The following SERINC1 variants were observed in gnomAD, a reference collection of about 807,000 sequenced individuals.
SERINC1 encodes tumor differentially expressed protein 2.
In SERINC1, 38 loss-of-function variants were observed where a neutral mutation model predicts 52.9. The ratio of observed to expected loss-of-function variants is 0.72; its 90% CI spans 0.55 to 0.94. The LOEUF (loss-of-function observed/expected upper bound fraction) is 0.94. Among genes scored for constraint, SERINC1 ranks in the 40% least tolerant of loss-of-function variants. The pLI is 0.00. For synonymous variants in SERINC1, 198 were observed against 183.1 expected (o/e 1.08, Z -0.66); for missense variants, 471 against 533.9 (o/e 0.88, Z 1.16).
At chr6:122,450,814 G>A (rs1463996668) in intron 7 of SERINC1, among the ~76,000 whole-genome samples, 1 of 152,170 alleles carries the variant, frequency 6.6e-6, no homozygotes, top group Non-Finnish European at 1.5e-5. Context: ...ACTAAAAAGT[G>A]GAACCTGAAG....
At chr6:122,467,124 G>T (rs935095632) in intron 1 of SERINC1, among the ~76,000 whole-genome samples, 2 of 152,198 alleles carry the variant, frequency 1.3e-5, no homozygotes, top group Admixed American at 6.5e-5. Flanking sequence ...TTCAACCTAA[G>T]AGAGAGGAAA....
At chr6:122,459,149 C>T (rs950399046) in intron 1 of SERINC1, among the ~76,000 whole-genome samples, 2 of 151,896 alleles carry the variant, frequency 1.3e-5, no homozygotes, top group Admixed American at 1.3e-4. Flanking sequence ...TTTGACCTGG[C>T]GATAGTGATA....
At chr6:122,451,776 A>AAATATATATAT in intron 6 of SERINC1, 22 bp from the exon 7 acceptor site, 3 of 113,066 alleles carry the variant, frequency 2.7e-5, no homozygotes, top group Admixed American at 3.2e-4. Context: ...AAAAAAAAAA[A>AAATATATATAT]ATATATATAT....
Position 122,446,962 on chromosome 6 carries a change from TAG to T in SERINC1, c.1036_1037del (p.Leu346AsnfsTer3). ...SNNSQVNKLT[L>X]TSDESTLIED... is the part of the protein sequence containing the mutation. ...CTATTAATGTAGATTCATCACTTGT[TAG>T]AGTCAGTTTATTAACCTGACTATTG... On this transcript the variant is annotated frameshift_variant, in exon 9 of 10. Transcript: ENST00000339697. LOFTEE classifies it high-confidence loss of function. The T allele has an allele frequency of 6.2e-7, 1 of 1,613,466 alleles. No individual in the cohort carries two copies. The highest frequency in any genetic ancestry group is 8.5e-7 in the Non-Finnish European group (1 of 1,179,364).
chr6:122,446,800 G>A lies in SERINC1; in HGVS notation c.1200C>T (p.Ile400=), dbSNP rs766919518. ...TGTACCAGTTGGTAAGGGTCATCAT[G>A]ATATAAAGTGAAGCCAGGAAAAGCA... ...HFMLFLASLY[I]MMTLTNWYRY... Residue 400 remains isoleucine (I), a synonymous_variant, in exon 9 of 10, where the codon ATC becomes ATT. Transcript: ENST00000339697. 3 of 1,612,698 alleles carry A rather than the reference G, an allele frequency of 1.9e-6. No homozygotes were observed. The highest frequency in any genetic ancestry group is 1.3e-5 in the African/African-American group (1 of 74,908).
At chr6:122,456,236 T>C (rs1055529396) in intron 3 of SERINC1, among the ~76,000 whole-genome samples, 5 of 152,162 alleles carry the variant, frequency 3.3e-5, no homozygotes, top group African/African-American at 1.2e-4. Flanking sequence ...ACAAATATAA[T>C]AGAGCCTCTT....
intron 9 of SERINC1, among the ~76,000 whole-genome samples, chr6:122,446,469 T>C (rs545031754): frequency 6.6e-6 from 1 of 152,230 alleles, no homozygotes; most frequent in East Asian, 1.9e-4. Context: ...CTTCACTATC[T>C]TTACAGAATT....
chr6:122,471,548 C>A, intron 1 of SERINC1, 151 bp downstream of exon 1: 1 of 891,088 alleles, frequency 1.1e-6, no homozygotes, highest in East Asian at 2.4e-5. Flanking sequence ...GTCTGAGTGA[C>A]GAGAGGAGAC....
In SERINC1 at chr6:122,444,590, C is replaced by G. The variant is rs569296162; in HGVS notation, c.*454G>C. 2.6e-4 allele frequency: 40 copies of G among 154,820 alleles called. No individual in the cohort carries two copies. Among genetic ancestry groups the G allele is most frequent in the Admixed American group, 2.1e-3 (32 of 15,538 alleles). 9.6% of individuals were successfully genotyped at this position (154,820 alleles called of 1,614,324 possible). Reference sequence around the variant, plus strand: ...AAACCTTATAAGATTTTTCAGACAACTGGCATTTAAGTGACTTGTTTATAA... The same window carrying G: ...AAACCTTATAAGATTTTTCAGACAAGTGGCATTTAAGTGACTTGTTTATAA... On this transcript the variant is annotated 3_prime_UTR_variant, in exon 10 of 10. Transcript: ENST00000339697.
At chr6:122,466,294 G>A (rs1377529229) in intron 1 of SERINC1, among the ~76,000 whole-genome samples, 1 of 152,110 alleles carries the variant, frequency 6.6e-6, no homozygotes, top group Non-Finnish European at 1.5e-5. Flanking sequence ...TTACAGCAGA[G>A]GTTTTTGTTG....
Position 122,444,906 on chromosome 6 carries a change from A to G in SERINC1, c.*138T>C. On this transcript the variant is annotated 3_prime_UTR_variant, in exon 10 of 10. Coordinates refer to ENST00000339697, the MANE Select transcript of SERINC1 (RefSeq NM_020755.4). Reference sequence around the variant, plus strand: ...TTGGTAAGAAAATAACAAAATGACAAGCAGTAAAATCTAATTCATGCCAGA... The same window carrying G: ...TTGGTAAGAAAATAACAAAATGACAGGCAGTAAAATCTAATTCATGCCAGA... 1.4e-6 allele frequency: 1 copy of G among 739,418 alleles called. No individual in the cohort carries two copies. 45.8% of individuals were successfully genotyped at this position (739,418 alleles called of 1,614,324 possible). A position where few individuals can be genotyped will look rare whatever the true frequency, so the allele number is the denominator to read the frequency against.
chr6:122,452,947 A>T (rs529242409), intron 5 of SERINC1, among the ~76,000 whole-genome samples: 7 of 152,282 alleles, frequency 4.6e-5, no homozygotes, highest in Non-Finnish European at 8.8e-5. Flanking sequence ...TCCAATTTAA[A>T]ATTTTTTTAG....
At chr6:122,468,632 A>G (rs976682597) in intron 1 of SERINC1, among the ~76,000 whole-genome samples, 30 of 152,176 alleles carry the variant, frequency 2.0e-4, no homozygotes, top group African/African-American at 7.2e-4. Context: ...ATTTTTGTCT[A>G]TTCATCCACC....
intron 2 of SERINC1, among the ~76,000 whole-genome samples, chr6:122,457,011 T>C (rs1178304712): frequency 1.3e-5 from 2 of 152,016 alleles, no homozygotes; most frequent in Non-Finnish European, 2.9e-5. Context: ...TATTAATACA[T>C]CTATTATTCA....
intron 6 of SERINC1, 22 bp from the exon 7 acceptor site, chr6:122,451,776 A>AAAAAAATATATAT: frequency 1.9e-4 from 22 of 113,014 alleles, no homozygotes; most frequent in East Asian, 1.7e-3. Context: ...AAAAAAAAAA[A>AAAAAAATATATAT]ATATATATAT....
At chr6:122,449,998 G>A (rs376972352) in intron 7 of SERINC1, among the ~76,000 whole-genome samples, 2 of 152,262 alleles carry the variant, frequency 1.3e-5, no homozygotes, top group African/African-American at 4.8e-5. Flanking sequence ...TGTGCAACAA[G>A]AGTGAAACTC....
intron 6 of SERINC1, 37 bp downstream of exon 6, chr6:122,451,851 A>C: frequency 7.1e-7 from 1 of 1,410,424 alleles, no homozygotes; most frequent in Non-Finnish European, 9.3e-7. Context: ...TTAAAAAGGT[A>C]TAAGCTTCAT....
In SERINC1 at chr6:122,444,898, A is replaced by G; in HGVS notation, c.*146T>C. The G allele has an allele frequency of 1.4e-6, 1 of 725,648 alleles. No homozygotes were observed. Among genetic ancestry groups the G allele is most frequent in the South Asian group, 2.0e-5 (1 of 49,422 alleles). 45.0% of individuals were successfully genotyped at this position (725,648 alleles called of 1,614,324 possible). A position where few individuals can be genotyped will look rare whatever the true frequency, so the allele number is the denominator to read the frequency against. On this transcript the variant is annotated 3_prime_UTR_variant, in exon 10 of 10. Coordinates refer to ENST00000339697, the MANE Select transcript of SERINC1 (RefSeq NM_020755.4). ...CAATGCACTTGGTAAGAAAATAACAAAATGACAAGCAGTAAAATCTAATTC... is the reference window on the plus strand; with the variant it reads ...CAATGCACTTGGTAAGAAAATAACAGAATGACAAGCAGTAAAATCTAATTC...
At chr6:122,447,891 G>A (rs1455259853) in intron 7 of SERINC1, among the ~76,000 whole-genome samples, 2 of 151,982 alleles carry the variant, frequency 1.3e-5, no homozygotes, top group African/African-American at 2.4e-5. Flanking sequence ...CGAGGCGGGC[G>A]GATCACAAGG....
Sources: gnomAD v4.1 joint callset for allele counts (sites outside exome capture counted in the v4.1 genomes callset) on GRCh38, gnomAD v4.1.1 for gene constraint, MANE v1.5 for transcripts, NCBI Gene and HGNC (gene_info 2026-07-23, HGNC 2026-07-21) for gene names.